The following PTPRN2 variants were observed in gnomAD, a reference collection of about 807,000 sequenced individuals.
PTPRN2 encodes the protein protein tyrosine phosphatase receptor type N2.
Under a neutral mutation model 118.8 loss-of-function variants are expected in PTPRN2, and 74 were observed. That is an observed-to-expected ratio of 0.62 (90% CI 0.52 to 0.76). The LOEUF (loss-of-function observed/expected upper bound fraction) is 0.76. Ranked by LOEUF, PTPRN2 falls within the 30% of genes least tolerant of loss-of-function variation. The pLI, the probability that PTPRN2 is intolerant of heterozygous loss-of-function variation, is 0.00. For synonymous variants in PTPRN2, 641 were observed against 608.0 expected, an observed-to-expected ratio of 1.05 and a Z score of -0.80; for missense variants, 1,481 against 1,394.4, an observed-to-expected ratio of 1.06 and a Z score of -0.99.
chr7:158,499,174 T>A (rs1822174411), intron 1 of PTPRN2, among the ~76,000 whole-genome samples: 1 of 152,166 alleles, frequency 6.6e-6, no homozygotes, highest in Non-Finnish European at 1.5e-5. Context: ...ATTATCATCA[T>A]CATCATCATC....
chr7:157,749,108 G>A (rs1689895627), intron 12 of PTPRN2, among the ~76,000 whole-genome samples: 3 of 47,356 alleles, frequency 6.3e-5, no homozygotes, highest in Admixed American at 1.8e-4. Context: ...CTGAGCTGTG[G>A]GCTGTTGAGG....
intron 5 of PTPRN2, among the ~76,000 whole-genome samples, chr7:158,190,834 G>T (rs1235134231): frequency 6.6e-6 from 1 of 152,264 alleles, no homozygotes; most frequent in South Asian, 2.1e-4. Flanking sequence ...ACTGGCTTCT[G>T]CATTCAAACG....
At chr7:157,654,085 G>A (rs985280755) in intron 14 of PTPRN2, among the ~76,000 whole-genome samples, 19 of 20,920 alleles carry the variant, frequency 9.1e-4, no homozygotes, top group Non-Finnish European at 1.3e-3. Context: ...CACCCACCCC[G>A]ACTCCACACC....
Position 158,071,456 on chromosome 7 carries a change from T to TGCTCGTGGTTGAGGTGCTCGTGGTGGTG in PTPRN2, c.1723+9841_1723+9842insCACCACCACGAGCACCTCAACCACGAGC, listed in dbSNP as rs1585337803. Among the ~76,000 whole-genome samples, 102 of 20,162 alleles carry TGCTCGTGGTTGAGGTGCTCGTGGTGGTG rather than the reference T, an allele frequency of 5.1e-3. 15 individuals are homozygous for TGCTCGTGGTTGAGGTGCTCGTGGTGGTG. The highest frequency in any genetic ancestry group is 0.014 in the Admixed American group (24 of 1,700). The allele number at this position is 20,162 out of a possible 152,430, so 13.2% of individuals were successfully genotyped here. A position where few individuals can be genotyped will look rare whatever the true frequency, so the allele number is the denominator to read the frequency against. ...TCGTGGTGGTGGAGGTGCTCGTGGT[T>TGCTCGTGGTTGAGGTGCTCGTGGTGGTG]GAGGTGCTCGTGGTGGTGGAGGTTC... On this transcript the variant is annotated intron_variant, in intron 11 of 22. Transcript: ENST00000389418.
Position 157,944,992 on chromosome 7 carries a change from A to G in PTPRN2, c.1724-46255T>C, listed in dbSNP as rs1800378044. Reference sequence around the variant, plus strand: ...CAGCTCCCAGTGCTGTGACCCCACCATGATCGCTCATCTGCTCCAGCTGGA... The same window carrying G: ...CAGCTCCCAGTGCTGTGACCCCACCGTGATCGCTCATCTGCTCCAGCTGGA... On this transcript the variant is annotated intron_variant, in intron 11 of 22. Transcript: ENST00000389418. The surrounding 1 kb of genome is among the most constrained non-coding windows in gnomAD (Gnocchi z 4.3). Among the ~76,000 whole-genome samples the G allele has an allele frequency of 6.6e-6, 1 of 152,148 alleles. No individual in the cohort carries two copies. The highest frequency in any genetic ancestry group is 1.5e-5 in the Non-Finnish European group (1 of 68,022).
At chr7:158,333,885 C>A (rs1369392953) in intron 2 of PTPRN2, among the ~76,000 whole-genome samples, 22 of 148,656 alleles carry the variant, frequency 1.5e-4, no homozygotes, top group African/African-American at 4.8e-4. Flanking sequence ...ACACTCTCAC[C>A]ATAAGAGCTG....
chr7:157,945,236 A>G (rs564423799), intron 11 of PTPRN2, among the ~76,000 whole-genome samples: 4 of 152,136 alleles, frequency 2.6e-5, no homozygotes, highest in African/African-American at 9.6e-5. Flanking sequence ...ATGAGCCCTC[A>G]TGGTTTCAAC....
At chr7:157,840,207 CTGTG>C (rs1469361686) in intron 12 of PTPRN2, among the ~76,000 whole-genome samples, 3 of 139,590 alleles carry the variant, frequency 2.1e-5, no homozygotes, top group South Asian at 2.4e-4. Flanking sequence ...CCGCGTGTGA[CTGTG>C]TGGCCACGTG....
chr7:157,623,122 T>C (rs543065592), intron 14 of PTPRN2, among the ~76,000 whole-genome samples: 15 of 152,338 alleles, frequency 9.8e-5, no homozygotes, highest in Non-Finnish European at 1.8e-4. Context: ...CATTCTTTCT[T>C]TTGAGACAAT....
At chr7:157,707,662 C>T (rs1230238831) in intron 12 of PTPRN2, among the ~76,000 whole-genome samples, 1 of 152,084 alleles carries the variant, frequency 6.6e-6, no homozygotes, top group Non-Finnish European at 1.5e-5. Context: ...CTGCTCACTG[C>T]AACCTCCGCC....
intron 1 of PTPRN2, among the ~76,000 whole-genome samples, chr7:158,515,032 C>T (rs935575840): frequency 3.3e-5 from 5 of 152,068 alleles, no homozygotes; most frequent in African/African-American, 7.2e-5. Flanking sequence ...TAATTTGTGC[C>T]GAACATTTAC....
At chr7:158,297,267 C>A (rs549620709) in intron 3 of PTPRN2, among the ~76,000 whole-genome samples, 132 of 152,382 alleles carry the variant, frequency 8.7e-4, no homozygotes, top group African/African-American at 2.8e-3. Flanking sequence ...TGCTAACTCT[C>A]TGGCTTTCAG....
chr7:157,840,442 GTGAC>G (rs1808334886), intron 12 of PTPRN2, among the ~76,000 whole-genome samples: 1 of 151,680 alleles, frequency 6.6e-6, no homozygotes, highest in African/African-American at 2.4e-5. Flanking sequence ...GTGACCGCGT[GTGAC>G]TGTGTGACCG....
At chr7:157,967,117 T>C (rs751818115) in intron 11 of PTPRN2, among the ~76,000 whole-genome samples, 3 of 152,178 alleles carry the variant, frequency 2.0e-5, no homozygotes, top group Non-Finnish European at 4.4e-5. Context: ...ACCAGGAGTT[T>C]GAGAACCACC....
At chr7:157,746,112 C>A (rs980689336) in intron 12 of PTPRN2, among the ~76,000 whole-genome samples, 7 of 150,736 alleles carry the variant, frequency 4.6e-5, no homozygotes, top group Admixed American at 1.3e-4. Context: ...CCTCACAGGG[C>A]CAAGAGCATG....
chr7:158,561,609 C>T (rs1476723929), intron 1 of PTPRN2, among the ~76,000 whole-genome samples: 2 of 152,220 alleles, frequency 1.3e-5, no homozygotes, highest in African/African-American at 4.8e-5. Context: ...GGCCTCAAGA[C>T]TGGCAGCTTT....
chr7:157,970,482 G>A (rs1199497230), intron 11 of PTPRN2, among the ~76,000 whole-genome samples: 1 of 152,234 alleles, frequency 6.6e-6, no homozygotes, highest in Non-Finnish European at 1.5e-5. Context: ...AAATAGAGCA[G>A]AGCAGGGAGT....
At chr7:158,403,472 A>G (rs1381014155) in intron 2 of PTPRN2, among the ~76,000 whole-genome samples, 4 of 152,208 alleles carry the variant, frequency 2.6e-5, no homozygotes, top group Non-Finnish European at 5.9e-5. Flanking sequence ...AACAGCTCCC[A>G]GGTAATCCTC....
At chr7:158,337,390 TAACACCTGCA>T (rs1805844586) in intron 2 of PTPRN2, among the ~76,000 whole-genome samples, 1 of 104,720 alleles carries the variant, frequency 9.5e-6, no homozygotes, top group South Asian at 3.4e-4. Flanking sequence ...CCATAAGAGG[TAACACCTGCA>T]GACGTCCCTC....
Sources: allele counts gnomAD v4.1 joint callset (sites outside exome capture counted in the v4.1 genomes callset), GRCh38; gene constraint gnomAD v4.1.1; non-coding constraint Gnocchi (gnomAD v3.1); transcripts MANE v1.5; gene names NCBI Gene and HGNC (gene_info 2026-07-23, HGNC 2026-07-21).